The following SCN8A variants were observed in gnomAD, a reference collection of about 807,000 sequenced individuals.
The protein encoded by SCN8A is sodium voltage-gated channel alpha subunit 8, also known as sodium channel protein type 8 subunit alpha.
In SCN8A, 30 loss-of-function variants were observed where a neutral mutation model predicts 184.1. The observed-to-expected ratio is 0.16, with a 90% CI of 0.12 to 0.22. The LOEUF (loss-of-function observed/expected upper bound fraction) is 0.22. Ranked by LOEUF, SCN8A falls within the 10% of genes least tolerant of loss-of-function variation. The pLI is 1.00. For missense variants in SCN8A, 1,057 were observed against 2,498.9 expected, an observed-to-expected ratio of 0.42 and a Z score of 12.30; for synonymous variants, 852 against 907.0, an observed-to-expected ratio of 0.94 and a Z score of 1.09.
chr12:51,792,568 G>A (rs1344454780), intron 25 of SCN8A, among the ~76,000 whole-genome samples: 1 of 148,546 alleles, frequency 6.7e-6, no homozygotes, highest in Non-Finnish European at 1.5e-5. Flanking sequence ...CAAGACCCCA[G>A]AAGCAGAAAA....
At chr12:51,794,266 G>A in intron 25 of SCN8A, 105 bp from the exon 26 acceptor site, 1 of 1,118,690 alleles carries the variant, frequency 8.9e-7, no homozygotes, top group South Asian at 1.5e-5. Flanking sequence ...CAGTATTACA[G>A]AAAAGGAGGG....
chr12:51,735,899 C>T (rs1250908438), intron 12 of SCN8A, among the ~76,000 whole-genome samples: 2 of 152,196 alleles, frequency 1.3e-5, no homozygotes, highest in African/African-American at 4.8e-5. Flanking sequence ...CTATTTCGCA[C>T]CTTTTTGTTA....
At chr12:51,728,915 A>G (rs1942197654) in intron 12 of SCN8A, among the ~76,000 whole-genome samples, 1 of 152,040 alleles carries the variant, frequency 6.6e-6, no homozygotes, top group Admixed American at 6.6e-5. Flanking sequence ...CCCCATGCCA[A>G]CAGCCTCCAT....
chr12:51,745,964 A>G lies in SCN8A; in HGVS notation c.2060A>G (p.Gln687Arg), dbSNP rs181076505. ...GGATCTCTTTTAGTTTCCATGGACCAATTAGCCTCCTACGGGCGGAAGGAC... is the reference window on the plus strand; with the variant it reads ...GGATCTCTTTTAGTTTCCATGGACCGATTAGCCTCCTACGGGCGGAAGGAC... ...GPGSLLVSMD[Q>R]LASYGRKDRI... Residue 687 changes from glutamine (Q) to arginine (R), a missense_variant, in exon 13 of 27, where the codon CAA (glutamine) becomes CGA (arginine). Coordinates refer to ENST00000627620, the MANE Select transcript of SCN8A (RefSeq NM_001330260.2). 5 of 1,612,422 alleles carry G rather than the reference A, an allele frequency of 3.1e-6. No homozygotes were observed. The East Asian group carries it at 1.1e-4, about 36-fold the overall frequency.
chr12:51,645,816 G>T (rs1308060530), intron 1 of SCN8A, among the ~76,000 whole-genome samples: 1 of 149,230 alleles, frequency 6.7e-6, no homozygotes, highest in Non-Finnish European at 1.5e-5. Flanking sequence ...CAAACACTGC[G>T]GAAGGCCTCA....
chr12:51,636,183 A>G (rs1248267936), intron 1 of SCN8A, among the ~76,000 whole-genome samples: 1 of 152,140 alleles, frequency 6.6e-6, no homozygotes, highest in African/African-American at 2.4e-5. Flanking sequence ...TTTTTAGTAG[A>G]GACGGGGTTT....
chr12:51,721,510 C>T lies in SCN8A; in HGVS notation c.1636-36C>T, dbSNP rs751031700. 7 of 1,551,866 alleles carry T rather than the reference C, an allele frequency of 4.5e-6. No individual in the cohort carries two copies. The South Asian group carries it at 7.5e-5, about 17-fold the overall frequency. ...AAAGGTCCACACTCCCGTCTCATTT[C>T]CCCGTCCCTCTCTCTTTCCCTGTCT... On this transcript the variant is annotated intron_variant, in intron 11 of 26. Transcript: ENST00000627620.
intron 11 of SCN8A, chr12:51,712,944 G>A: frequency 3.1e-6 from 5 of 1,593,488 alleles, no homozygotes; most frequent in Non-Finnish European, 4.3e-6. Context: ...CCATAAAATT[G>A]CCAGATCCAC....
intron 1 of SCN8A, among the ~76,000 whole-genome samples, chr12:51,658,388 G>T (rs935456726): frequency 6.6e-6 from 1 of 151,972 alleles, no homozygotes; most frequent in African/African-American, 2.4e-5. Flanking sequence ...AATTGGGATT[G>T]CTTTCTTGAT....
chr12:51,695,080 TTTC>T (rs1475625547), intron 6 of SCN8A, among the ~76,000 whole-genome samples: 18 of 152,214 alleles, frequency 1.2e-4, no homozygotes, highest in African/African-American at 3.6e-4. Flanking sequence ...CCGCATCACC[TTTC>T]TTCTTCTTTT....
chr12:51,652,128 A>C (rs1940727607), intron 1 of SCN8A, among the ~76,000 whole-genome samples: 1 of 152,000 alleles, frequency 6.6e-6, no homozygotes, highest in South Asian at 2.1e-4. Context: ...AGCATGTTCA[A>C]AAGTAGTCGT....
At chr12:51,733,940 T>C (rs566199279) in intron 12 of SCN8A, among the ~76,000 whole-genome samples, 2 of 152,330 alleles carry the variant, frequency 1.3e-5, no homozygotes, top group Admixed American at 1.3e-4. Context: ...TCTGATTTTA[T>C]TTATTTGGGT....
intron 12 of SCN8A, among the ~76,000 whole-genome samples, chr12:51,742,317 G>A (rs542082531): frequency 1.9e-4 from 29 of 152,186 alleles, no homozygotes; most frequent in Non-Finnish European, 3.7e-4. Flanking sequence ...TCTTCTTGCC[G>A]TTAACATCCT....
chr12:51,663,267 T>C (rs949065497), intron 2 of SCN8A, among the ~76,000 whole-genome samples, 174 bp downstream of exon 2: 1 of 152,208 alleles, frequency 6.6e-6, no homozygotes, highest in Non-Finnish European at 1.5e-5. Flanking sequence ...GGGTCATTTG[T>C]GGTCTTGGCA....
intron 12 of SCN8A, among the ~76,000 whole-genome samples, chr12:51,729,373 C>T (rs1485524942): frequency 6.6e-6 from 1 of 152,182 alleles, no homozygotes; most frequent in South Asian, 2.1e-4. Context: ...ACTTCTGACT[C>T]GTATCACTAT....
intron 1 of SCN8A, among the ~76,000 whole-genome samples, chr12:51,627,581 C>T (rs930744711): frequency 1.3e-5 from 2 of 152,130 alleles, no homozygotes; most frequent in Admixed American, 6.5e-5. Context: ...AGGATTTCAC[C>T]GTGTTGGCCA....
chr12:51,801,213 C>T (rs964484677), intron 26 of SCN8A, among the ~76,000 whole-genome samples: 1 of 152,192 alleles, frequency 6.6e-6, no homozygotes, highest in Non-Finnish European at 1.5e-5. Context: ...CCCACCTTGC[C>T]TTTGACAGTT....
At position 51,688,773 on chromosome 12, in the gene SCN8A, T is replaced by G; in HGVS notation, c.615-232T>G. On this transcript the variant is annotated intron_variant, in intron 5 of 26. Coordinates refer to ENST00000627620, the MANE Select transcript of SCN8A (RefSeq NM_001330260.2). ...GATTCTGCAGGTATATAACAGAGTTTGTAAACCTAGGCAATGTTTCAGCTC... is the reference window on the plus strand; with the variant it reads ...GATTCTGCAGGTATATAACAGAGTTGGTAAACCTAGGCAATGTTTCAGCTC... 6.2e-7 allele frequency: 1 copy of G among 1,613,840 alleles called. No individual in the cohort carries two copies. Among genetic ancestry groups the G allele is most frequent in the Non-Finnish European group, 8.5e-7 (1 of 1,179,720 alleles).
chr12:51,614,177 C>G (rs1939782566), intron 1 of SCN8A, among the ~76,000 whole-genome samples: 1 of 151,936 alleles, frequency 6.6e-6, no homozygotes, highest in African/African-American at 2.4e-5. Context: ...CCATTTTATC[C>G]TTAGTTTTGT....
Sources: gnomAD v4.1 joint callset for allele counts (sites outside exome capture counted in the v4.1 genomes callset) on GRCh38, gnomAD v4.1.1 for gene constraint, MANE v1.5 for transcripts, NCBI Gene and HGNC (gene_info 2026-07-23, HGNC 2026-07-21) for gene names.